Variants in HFM1 observed in about 807,000 individuals in gnomAD.
HFM1 encodes the protein probable ATP-dependent DNA helicase HFM1.
In HFM1, 169 loss-of-function variants were observed where a neutral mutation model predicts 192.1. The ratio of observed to expected loss-of-function variants is 0.88; its 90% CI spans 0.78 to 1.00. The LOEUF is 1.00. Ranked by LOEUF, HFM1 falls within the 50% of genes least tolerant of loss-of-function variation. The probability of loss-of-function intolerance (pLI) is 0.00; values close to 1 mark genes in which losing one functional copy is unlikely to be tolerated. For synonymous variants in HFM1, 525 were observed against 537.8 expected (o/e 0.98, Z 0.33); for missense variants, 1,661 against 1,668.0 (o/e 1.00, Z 0.07).
intron 30 of HFM1, among the ~76,000 whole-genome samples, chr1:91,299,867 T>A (rs1055117300): frequency 2.0e-5 from 3 of 151,964 alleles, no homozygotes; most frequent in Admixed American, 2.0e-4. Context: ...ACATCAGAAT[T>A]AAAAGAACTA....
At chr1:91,348,987 T>G (rs1320408683) in intron 18 of HFM1, among the ~76,000 whole-genome samples, 1 of 146,916 alleles carries the variant, frequency 6.8e-6, no homozygotes, top group Non-Finnish European at 1.5e-5. Flanking sequence ...TAATGGAGGT[T>G]TAAAAAAATA....
chr1:91,290,135 G>C (rs920394635), intron 30 of HFM1, among the ~76,000 whole-genome samples: 16 of 151,928 alleles, frequency 1.1e-4, no homozygotes, highest in Admixed American at 7.9e-4. Context: ...GAAGAAAACT[G>C]CATCAACTAA....
chr1:91,287,144 TG>T (rs1668079706), intron 30 of HFM1, among the ~76,000 whole-genome samples: 1 of 152,198 alleles, frequency 6.6e-6, no homozygotes, highest in African/African-American at 2.4e-5. Flanking sequence ...AAGCTCGAAC[TG>T]GGTGGAGCCC....
chr1:91,330,566 A>G (rs1356661542), intron 20 of HFM1, among the ~76,000 whole-genome samples: 2 of 152,174 alleles, frequency 1.3e-5, no homozygotes, highest in African/African-American at 4.8e-5. Flanking sequence ...GAATTCTACC[A>G]AACATTTAAA....
At chr1:91,283,451 C>A (rs186379587) in intron 30 of HFM1, among the ~76,000 whole-genome samples, 3 of 152,172 alleles carry the variant, frequency 2.0e-5, no homozygotes, top group Admixed American at 6.5e-5. Context: ...TAAAGACCAG[C>A]CATGTTGCCC....
intron 28 of HFM1, 47 bp from the exon 29 acceptor site, chr1:91,314,107 T>C: frequency 8.9e-7 from 1 of 1,124,880 alleles, no homozygotes; most frequent in Admixed American, 1.9e-5. Context: ...CTGAATGAAA[T>C]ACATATTAAT....
chr1:91,356,588 A>G lies in HFM1; in HGVS notation c.1686-3289T>C, dbSNP rs539172802. ...AAACTAAATGCAAAGTTAGCAGAAG[A>G]AAGGAAATAATAAAGATCAGAACAG... On this transcript the variant is annotated intron_variant, in intron 13 of 38. Transcript: ENST00000370425. 3.9e-5 allele frequency among the ~76,000 whole-genome samples: 6 copies of G among 152,292 alleles called. No homozygotes were observed. The East Asian group carries it at 1.2e-3, about 29-fold the overall frequency.
chr1:91,386,489 A>G (rs1054424817), intron 4 of HFM1, among the ~76,000 whole-genome samples: 3 of 152,244 alleles, frequency 2.0e-5, no homozygotes, highest in Admixed American at 6.5e-5. Context: ...AGAGAGCCTA[A>G]GCCAGAACTA....
chr1:91,405,152 T>C (rs766423327), upstream of HFM1, among the ~76,000 whole-genome samples: 1 of 152,198 alleles, frequency 6.6e-6, no homozygotes, highest in African/African-American at 2.4e-5. Context: ...ACTTCCGGTC[T>C]CTTCGTACCT....
rs562828254 is a variant in HFM1, at chr1:91,402,531, G to A, written c.-27-1422C>T. Among the ~76,000 whole-genome samples, 3 of 152,204 alleles carry A rather than the reference G, an allele frequency of 2.0e-5. 1 individual carries two copies. The South Asian group carries it at 6.2e-4, about 32-fold the overall frequency. On this transcript the variant is annotated intron_variant, in intron 1 of 38. Transcript: ENST00000370425. Reference sequence around the variant, plus strand: ...AAACAATTTGACTATACGAAAAATAGAAGCCTAGGATAATAGGGCAGGAGG... The same window carrying A: ...AAACAATTTGACTATACGAAAAATAAAAGCCTAGGATAATAGGGCAGGAGG...
At chr1:91,295,497 C>G (rs1647393343) in intron 30 of HFM1, among the ~76,000 whole-genome samples, 1 of 152,116 alleles carries the variant, frequency 6.6e-6, no homozygotes, top group Admixed American at 6.5e-5. Context: ...ATAAGAACAC[C>G]AGGCATATTG....
chr1:91,295,740 C>A (rs1336251724), intron 30 of HFM1, among the ~76,000 whole-genome samples: 1 of 152,008 alleles, frequency 6.6e-6, no homozygotes, highest in Non-Finnish European at 1.5e-5. Context: ...TTAACATAGT[C>A]AAATTCATTA....
intron 8 of HFM1, among the ~76,000 whole-genome samples, chr1:91,379,886 T>C (rs1421760873): frequency 6.6e-6 from 1 of 152,142 alleles, no homozygotes; most frequent in Non-Finnish European, 1.5e-5. Context: ...CTTTAAAAAA[T>C]AAGCATGTAA....
intron 30 of HFM1, among the ~76,000 whole-genome samples, chr1:91,287,553 C>A (rs1454210313): frequency 6.6e-6 from 1 of 152,092 alleles, no homozygotes; most frequent in Non-Finnish European, 1.5e-5. Flanking sequence ...GATAAAACCA[C>A]AAAGATAGGG....
In HFM1 at chr1:91,385,598, G is replaced by A. The variant is rs1303895098; in HGVS notation, c.731C>T (p.Ala244Val). ...ACCTTGAATATCATGAGGTTGGAAAGCAACTGAAAAAGATGGTGCTTTGAA... is the reference window on the plus strand; with the variant it reads ...ACCTTGAATATCATGAGGTTGGAAAACAACTGAAAAAGATGGTGCTTTGAA... ...GMFKAPSFSVAFQPHDIQEVT... is the reference protein window; with the variant it reads ...GMFKAPSFSVVFQPHDIQEVT... Residue 244 changes from alanine (A) to valine (V), a missense_variant, in exon 5 of 39, where the codon GCT becomes GTT. By Grantham distance (64) the Ala-to-Val change is moderately conservative. Coordinates refer to ENST00000370425, the MANE Select transcript of HFM1 (RefSeq NM_001017975.6). 6.2e-7 allele frequency: 1 copy of A among 1,612,444 alleles called. No individual in the cohort carries two copies. Among genetic ancestry groups the A allele is most frequent in the Admixed American group, 1.7e-5 (1 of 59,932 alleles).
chr1:91,261,211 T>C lies in HFM1; in HGVS notation c.*79A>G. On this transcript the variant is annotated 3_prime_UTR_variant, in exon 39 of 39. Transcript: ENST00000370425. ...AAAAATCCGAACAATTATGAACTAC[T>C]TTTTAAAAATAAAAAGCATGCTTTG... The C allele has an allele frequency of 1.6e-6, 1 of 618,784 alleles. No homozygotes were observed. Among genetic ancestry groups the C allele is most frequent in the South Asian group, 5.5e-5 (1 of 18,284 alleles). The allele number at this position is 618,784 out of a possible 1,614,324, so 38.3% of individuals were successfully genotyped here. A position where few individuals can be genotyped will look rare whatever the true frequency, so the allele number is the denominator to read the frequency against.
At chr1:91,396,740 T>C (rs1476356694) in intron 2 of HFM1, among the ~76,000 whole-genome samples, 1 of 152,208 alleles carries the variant, frequency 6.6e-6, no homozygotes, top group Admixed American at 6.5e-5. Context: ...ATTTTAACTA[T>C]TACAAGTAAC....
At chr1:91,279,866 T>C (rs1025781638) in intron 30 of HFM1, among the ~76,000 whole-genome samples, 2 of 152,098 alleles carry the variant, frequency 1.3e-5, no homozygotes, top group South Asian at 4.1e-4. Flanking sequence ...TTATATTGAA[T>C]GTATTTACAG....
chr1:91,273,925 T>C (rs1666556012), intron 33 of HFM1, 110 bp from the exon 34 acceptor site: 2 of 628,754 alleles, frequency 3.2e-6, no homozygotes, highest in South Asian at 2.2e-5. Flanking sequence ...ATTTAACACT[T>C]CTATGATACA....
Sources: allele counts gnomAD v4.1 joint callset (sites outside exome capture counted in the v4.1 genomes callset), GRCh38; gene constraint gnomAD v4.1.1; transcripts MANE v1.5; gene names NCBI Gene and HGNC (gene_info 2026-07-23, HGNC 2026-07-21).